The following CPLANE1 variants were observed in gnomAD, a reference collection of about 807,000 sequenced individuals.
CPLANE1 encodes ciliogenesis and planar polarity effector 1.
A neutral mutation model predicts 362.5 loss-of-function variants in CPLANE1; 263 were observed. The ratio of observed to expected loss-of-function variants is 0.73; its 90% CI spans 0.66 to 0.80. The LOEUF is 0.80. CPLANE1 is among the 30% of genes least tolerant of loss of function. The probability of loss-of-function intolerance (pLI) is 0.00; values close to 1 mark genes in which losing one functional copy is unlikely to be tolerated. For missense variants in CPLANE1, 3,461 were observed against 3,793.4 expected (o/e 0.91, Z 2.30); for synonymous variants, 1,212 against 1,302.6 (o/e 0.93, Z 1.50).
intron 16 of CPLANE1, chr5:37,212,163 G>A (rs1343886420): frequency 1.3e-5 from 15 of 1,150,516 alleles, no homozygotes; most frequent in African/African-American, 3.1e-5. Flanking sequence ...AATGGAAAAT[G>A]AATTAGAAAT....
At chr5:37,114,910 A>T in intron 51 of CPLANE1, 50 bp downstream of exon 51, 1 of 1,205,888 alleles carries the variant, frequency 8.3e-7, no homozygotes, top group Non-Finnish European at 1.2e-6. Context: ...AAAAAAAAAA[A>T]AAGAAAATTC....
At chr5:37,171,800 T>C (rs886082453) in intron 32 of CPLANE1, among the ~76,000 whole-genome samples, 1 of 150,372 alleles carries the variant, frequency 6.7e-6, no homozygotes, top group Admixed American at 6.6e-5. Flanking sequence ...ATCTATTCTA[T>C]CTAAAAGACA....
intron 43 of CPLANE1, among the ~76,000 whole-genome samples, chr5:37,146,786 C>T (rs1771749279): frequency 6.6e-6 from 1 of 151,740 alleles, no homozygotes; most frequent in Non-Finnish European, 1.5e-5. Flanking sequence ...TATGATTCTG[C>T]CTTCTATTAA....
chr5:37,227,483 C>T, intron 10 of CPLANE1, 85 bp downstream of exon 10: 2 of 1,480,234 alleles, frequency 1.4e-6, no homozygotes, highest in Non-Finnish European at 1.8e-6. Context: ...CAACTGTATA[C>T]AATTCAAGGA....
intron 45 of CPLANE1, 133 bp from the exon 46 acceptor site, chr5:37,138,981 T>G: frequency 5.3e-6 from 4 of 761,778 alleles, no homozygotes; most frequent in Non-Finnish European, 8.0e-6. Context: ...TTTCTGTAAT[T>G]CTAGTATCTC....
rs920289339 is a variant in CPLANE1 at position 37,226,019 on chromosome 5, G to A, written c.2291+285C>T. Among the ~76,000 whole-genome samples the A allele has an allele frequency of 5.9e-5, 9 of 151,690 alleles. No homozygotes were observed. In the South Asian group the frequency reaches 6.2e-4, roughly 10 times the overall value. Reference sequence around the variant, plus strand: ...AACTAAAAGTGTATACATTTATCACGTATAACATGACATATTTAACATGAT... The same window carrying A: ...AACTAAAAGTGTATACATTTATCACATATAACATGACATATTTAACATGAT... On this transcript the variant is annotated intron_variant, in intron 12 of 52. Coordinates refer to ENST00000651892, the MANE Select transcript of CPLANE1 (RefSeq NM_001384732.1).
the CPLANE1 span, among the ~76,000 whole-genome samples, chr5:37,093,701 G>A: frequency 6.6e-6 from 1 of 152,296 alleles, no homozygotes; most frequent in Middle Eastern, 3.4e-3. Context: ...TGACAAACCT[G>A]TTGCTGCATA....
At chr5:37,103,064 G>C (rs180919356), downstream of CPLANE1, among the ~76,000 whole-genome samples, 2 of 152,170 alleles carry the variant, frequency 1.3e-5, no homozygotes. Flanking sequence ...TTATGAATCT[G>C]AGTGCTCCTA....
chr5:37,125,201 C>T (rs780468599), intron 47 of CPLANE1, 43 bp downstream of exon 47: 9 of 1,555,492 alleles, frequency 5.8e-6, no homozygotes, highest in Admixed American at 2.1e-5. Flanking sequence ...AAAGTAATTA[C>T]ACATATTCTG....
chr5:37,242,353 C>G (rs1279593247), intron 6 of CPLANE1, among the ~76,000 whole-genome samples: 3 of 132,752 alleles, frequency 2.3e-5, no homozygotes, highest in African/African-American at 8.4e-5. Context: ...GACTCCATCT[C>G]AAAAAAAAAA....
rs138333895 is a variant in CPLANE1, at chr5:37,168,059, G to A, written c.7233+732C>T. ...CCAGTACCATCTTCAAATCATAAAAGTACACCACAGAATGCATTACTCAAT... is the reference window on the plus strand; with the variant it reads ...CCAGTACCATCTTCAAATCATAAAAATACACCACAGAATGCATTACTCAAT... On this transcript the variant is annotated intron_variant, in intron 34 of 52. Coordinates refer to ENST00000651892, the MANE Select transcript of CPLANE1 (RefSeq NM_001384732.1). Among the ~76,000 whole-genome samples the A allele has an allele frequency of 4.6e-3, 695 of 152,268 alleles. 9 individuals are homozygous for A. The highest frequency in any genetic ancestry group is 0.016 in the African/African-American group (665 of 41,538).
intron 19 of CPLANE1, 118 bp from the exon 20 acceptor site, chr5:37,198,984 C>A: frequency 1.1e-6 from 1 of 927,010 alleles, no homozygotes; most frequent in Non-Finnish European, 1.6e-6. Flanking sequence ...GTAATCCCAG[C>A]ACTTTGGAAG....
intron 26 of CPLANE1, 127 bp from the exon 27 acceptor site, chr5:37,181,132 G>T: frequency 2.4e-6 from 2 of 839,276 alleles, no homozygotes; most frequent in Non-Finnish European, 3.5e-6. Flanking sequence ...AATATTTACT[G>T]CATTTCTACA....
chr5:37,165,772 A>G, intron 35 of CPLANE1, 101 bp from the exon 36 acceptor site: 1 of 1,099,390 alleles, frequency 9.1e-7, no homozygotes, highest in Non-Finnish European at 1.3e-6. Context: ...AATTACGTTC[A>G]TAAATTATTT....
In CPLANE1 at chr5:37,180,202, C is replaced by T. The variant is rs756883683; in HGVS notation, c.5571-19G>A. ...CATTCTACTGAAAAAAATGCAGCAACTAAAATTACAACTATTCTTGGAGAT... is the reference window on the plus strand; with the variant it reads ...CATTCTACTGAAAAAAATGCAGCAATTAAAATTACAACTATTCTTGGAGAT... On this transcript the variant is annotated intron_variant, in intron 27 of 52. Transcript: ENST00000651892. 1.4e-5 allele frequency: 20 copies of T among 1,413,416 alleles called. No homozygotes were observed. The highest frequency in any genetic ancestry group is 1.9e-5 in the Non-Finnish European group (20 of 1,073,756). 87.6% of individuals were successfully genotyped at this position (1,413,416 alleles called of 1,614,324 possible).
intron 15 of CPLANE1, 89 bp downstream of exon 15, chr5:37,221,232 TTAC>T: frequency 2.7e-6 from 2 of 730,370 alleles, no homozygotes; most frequent in South Asian, 4.6e-5. Flanking sequence ...GGTAGAAGGA[TTAC>T]TTGAGCTCAG....
chr5:37,167,227 A>G lies in CPLANE1; in HGVS notation c.7234-14T>C. On this transcript the variant is annotated splice_polypyrimidine_tract_variant and intron_variant, in intron 34 of 52. Transcript: ENST00000651892. ...TGTTTTTTTGCACTACAAGAAAGAA[A>G]CAAAGCATAAGAATGACAAATTGCA... The G allele has an allele frequency of 1.3e-6, 2 of 1,594,860 alleles. No individual in the cohort carries two copies. The highest frequency in any genetic ancestry group is 1.2e-5 in the South Asian group (1 of 86,780).
intron 9 of CPLANE1, among the ~76,000 whole-genome samples, chr5:37,228,199 T>C (rs567189696): frequency 6.6e-6 from 1 of 152,246 alleles, no homozygotes; most frequent in African/African-American, 2.4e-5. Context: ...CAGTATACTT[T>C]TTATTAAAGA....
intron 14 of CPLANE1, among the ~76,000 whole-genome samples, chr5:37,223,867 C>A (rs543970938): frequency 1.4e-4 from 21 of 151,608 alleles, no homozygotes; most frequent in Middle Eastern, 3.4e-3. Flanking sequence ...AAAAAAAAAA[C>A]CACATTATTT....
Sources: gnomAD v4.1 joint callset for allele counts (sites outside exome capture counted in the v4.1 genomes callset) on GRCh38, gnomAD v4.1.1 for gene constraint, MANE v1.5 for transcripts, NCBI Gene and HGNC (gene_info 2026-07-23, HGNC 2026-07-21) for gene names.